WWOX: variants seen among roughly 807,000 people sequenced by gnomAD.
WWOX encodes WW domain containing oxidoreductase, also known as WW domain-containing oxidoreductase.
WWOX carries 69 observed loss-of-function variants against 46.2 expected under a neutral mutation model. The observed-to-expected ratio is 1.49, with a 90% CI of 1.23 to 1.82. The LOEUF (loss-of-function observed/expected upper bound fraction) is 1.82, where lower values mean the gene tolerates loss of function less well. WWOX is among the 40% of genes most tolerant of loss of function. The probability of loss-of-function intolerance (pLI) is 0.00; values close to 1 mark genes in which losing one functional copy is unlikely to be tolerated. For synonymous variants in WWOX, 359 were observed against 202.6 expected (o/e 1.77, Z -6.56); for missense variants, 919 against 542.6 (o/e 1.69, Z -6.89).
chr16:79,032,899 C>G (rs1038019491), intron 8 of WWOX, among the ~76,000 whole-genome samples: 1 of 151,294 alleles, frequency 6.6e-6, no homozygotes, highest in Non-Finnish European at 1.5e-5. Flanking sequence ...AGTTATTTTT[C>G]CTGCTCTTCT....
chr16:78,900,326 T>C (rs2044799032), intron 8 of WWOX, among the ~76,000 whole-genome samples: 1 of 152,172 alleles, frequency 6.6e-6, no homozygotes, highest in South Asian at 2.1e-4. Context: ...AATCTATGCC[T>C]TAAGCCCAAA....
rs541225697 is a variant in WWOX at position 78,374,527 on chromosome 16, A to ATTTTTTTTTTTTTTTTTTTTTTTTTT, written c.517-12319_517-12294dup. On this transcript the variant is annotated intron_variant, in intron 5 of 8. Coordinates refer to ENST00000566780, the MANE Select transcript of WWOX (RefSeq NM_016373.4). ...GAGTCCTCAACTTTTTCTGTCTTGA[A>ATTTTTTTTTTTTTTTTTTTTTTTTTT]TTTTTTTTTTTTTTTTTTTTTTTTT... is the stretch of plus-strand genomic sequence containing the variant. 1.1e-4 allele frequency among the ~76,000 whole-genome samples: 8 copies of ATTTTTTTTTTTTTTTTTTTTTTTTTT among 70,904 alleles called. 1 individual carries two copies. Among genetic ancestry groups the ATTTTTTTTTTTTTTTTTTTTTTTTTT allele is most frequent in the Non-Finnish European group, 1.5e-4 (6 of 38,880 alleles). The allele number at this position is 70,904 out of a possible 152,430, so 46.5% of individuals were successfully genotyped here.
intron 8 of WWOX, among the ~76,000 whole-genome samples, chr16:78,856,338 C>T (rs1431455475): frequency 6.6e-6 from 1 of 152,114 alleles, no homozygotes; most frequent in African/African-American, 2.4e-5. Flanking sequence ...TGACTTTTAT[C>T]GAAGTAGAAG....
chr16:78,922,570 G>T (rs923995965), intron 8 of WWOX, among the ~76,000 whole-genome samples: 1 of 152,058 alleles, frequency 6.6e-6, no homozygotes, highest in Non-Finnish European at 1.5e-5. Context: ...GTAGAGACAG[G>T]GTTTCACCAT....
At chr16:78,385,774 C>G (rs1190059371) in intron 5 of WWOX, among the ~76,000 whole-genome samples, 1 of 152,176 alleles carries the variant, frequency 6.6e-6, no homozygotes, top group Non-Finnish European at 1.5e-5. Context: ...GACTAGAATT[C>G]CCAAGTCAAC....
intron 8 of WWOX, among the ~76,000 whole-genome samples, chr16:78,719,495 G>A (rs542707758): frequency 1.7e-3 from 262 of 152,350 alleles, no homozygotes; most frequent in South Asian, 9.1e-3. Context: ...CCTGGAAGGA[G>A]GAGTGTCTAG....
intron 8 of WWOX, among the ~76,000 whole-genome samples, chr16:79,067,152 G>C (rs993548583): frequency 2.0e-5 from 3 of 152,208 alleles, no homozygotes; most frequent in Non-Finnish European, 4.4e-5. Flanking sequence ...TGGGGCTCCA[G>C]CTTTCATAGG....
chr16:78,534,517 T>G (rs2043709699), intron 8 of WWOX: 2 of 151,932 alleles, frequency 1.3e-5, no homozygotes, highest in African/African-American at 4.8e-5. Flanking sequence ...ATTTCAAGAG[T>G]GACATTTTGG....
chr16:78,908,727 C>G (rs1384355037), intron 8 of WWOX, among the ~76,000 whole-genome samples: 3 of 152,056 alleles, frequency 2.0e-5, no homozygotes, highest in Admixed American at 6.6e-5. Flanking sequence ...GGAGTTGAAG[C>G]TGGCCTCTTG....
intron 8 of WWOX, among the ~76,000 whole-genome samples, chr16:78,702,923 C>T (rs886709052): frequency 2.6e-5 from 4 of 152,124 alleles, no homozygotes; most frequent in African/African-American, 9.7e-5. Context: ...GAAACAGATG[C>T]CTTGGGAGCT....
chr16:78,953,577 G>A (rs1344339880), intron 8 of WWOX, among the ~76,000 whole-genome samples: 1 of 152,210 alleles, frequency 6.6e-6, no homozygotes, highest in Non-Finnish European at 1.5e-5. Context: ...ATTGACGGCA[G>A]AGAGTGTGTC....
At chr16:78,191,468 A>C (rs1259198542) in intron 5 of WWOX, among the ~76,000 whole-genome samples, 1 of 152,222 alleles carries the variant, frequency 6.6e-6, no homozygotes, top group Non-Finnish European at 1.5e-5. Context: ...ATGCCGCCAC[A>C]ATATATCAAT....
intron 8 of WWOX, among the ~76,000 whole-genome samples, chr16:78,752,008 T>TAAC (rs1555528925): frequency 3.3e-5 from 5 of 151,736 alleles, no homozygotes; most frequent in Admixed American, 1.3e-4. Flanking sequence ...TTTCTTTAAA[T>TAAC]AAGGAGGAGG....
chr16:78,687,730 TG>T (rs1245597048), intron 8 of WWOX, among the ~76,000 whole-genome samples: 1 of 152,248 alleles, frequency 6.6e-6, no homozygotes, highest in African/African-American at 2.4e-5. Flanking sequence ...TTAGGCATTA[TG>T]TTATTCTAAA....
rs573284169 is a variant in WWOX, at chr16:78,479,644, T to C, written c.1056+46892T>C. Among the ~76,000 whole-genome samples the C allele has an allele frequency of 1.1e-4, 17 of 152,270 alleles. No homozygotes were observed. In the South Asian group the frequency reaches 2.9e-3, roughly 26 times the overall value. On this transcript the variant is annotated intron_variant, in intron 8 of 8. Coordinates refer to ENST00000566780, the MANE Select transcript of WWOX (RefSeq NM_016373.4). ...GTTGCCTCCAAGGAGGAAACTGTTA[T>C]AGGAATGATTGACATGGAGGTTCAT...
chr16:78,938,262 A>G (rs2045783071), intron 8 of WWOX, among the ~76,000 whole-genome samples: 1 of 152,228 alleles, frequency 6.6e-6, no homozygotes, highest in Non-Finnish European at 1.5e-5. Context: ...GGGGAAAGAC[A>G]GGAAGTAGAT....
At chr16:79,176,306 C>T (rs2050799364) in intron 8 of WWOX, among the ~76,000 whole-genome samples, 1 of 152,206 alleles carries the variant, frequency 6.6e-6, no homozygotes, top group African/African-American at 2.4e-5. Context: ...TTCCATTCTC[C>T]CTGCTGATAT....
At chr16:78,460,613 C>T (rs573974064) in intron 8 of WWOX, among the ~76,000 whole-genome samples, 2 of 152,300 alleles carry the variant, frequency 1.3e-5, no homozygotes, top group South Asian at 2.1e-4. Context: ...AGACTTGGAG[C>T]TTGAAAGAGG....
intron 8 of WWOX, among the ~76,000 whole-genome samples, chr16:78,761,203 T>C (rs1260759786): frequency 6.6e-6 from 1 of 152,182 alleles, no homozygotes; most frequent in African/African-American, 2.4e-5. Context: ...CTTCCAAATA[T>C]AGTTAATGGC....
Sources: gnomAD v4.1 joint callset for allele counts (sites outside exome capture counted in the v4.1 genomes callset) on GRCh38, gnomAD v4.1.1 for gene constraint, MANE v1.5 for transcripts, NCBI Gene and HGNC (gene_info 2026-07-23, HGNC 2026-07-21) for gene names.